LRIT1: variants seen among roughly 807,000 people sequenced by gnomAD.
LRIT1 encodes the protein leucine rich repeat, Ig-like and transmembrane domains 1, also known as leucine-rich repeat, immunoglobulin-like domain and transmembrane domain-containing protein 1.
LRIT1 carries 23 observed loss-of-function variants against 24.0 expected under a neutral mutation model. The ratio of observed to expected loss-of-function variants is 0.96; its 90% CI spans 0.69 to 1.36. The LOEUF (loss-of-function observed/expected upper bound fraction) is 1.36. Among genes scored for constraint, LRIT1 ranks in the 40% most tolerant of loss-of-function variants. The probability of loss-of-function intolerance (pLI) is 0.00; values close to 1 mark genes in which losing one functional copy is unlikely to be tolerated. For missense variants in LRIT1, 846 were observed against 806.3 expected, an observed-to-expected ratio of 1.05 and a Z score of -0.60; for synonymous variants, 361 against 340.5, an observed-to-expected ratio of 1.06 and a Z score of -0.66.
intron 2 of LRIT1, among the ~76,000 whole-genome samples, chr10:84,234,702 G>A (rs1337702433): frequency 6.6e-6 from 1 of 152,202 alleles, no homozygotes; most frequent in Non-Finnish European, 1.5e-5. Context: ...CCACTGGCCA[G>A]GCAGTATTTC....
At chr10:84,239,400 G>T (rs1027135218) in intron 1 of LRIT1, among the ~76,000 whole-genome samples, 2 of 152,166 alleles carry the variant, frequency 1.3e-5, no homozygotes, top group Non-Finnish European at 2.9e-5. Context: ...AGCTATGATT[G>T]TGCCACTGCA....
At chr10:84,240,986 A>G (rs1443170898) in intron 1 of LRIT1, among the ~76,000 whole-genome samples, 2 of 152,138 alleles carry the variant, frequency 1.3e-5, no homozygotes, top group Non-Finnish European at 2.9e-5. Context: ...AAAGAGAAGA[A>G]AAAGCAGTAA....
intron 2 of LRIT1, among the ~76,000 whole-genome samples, chr10:84,234,644 G>T (rs1842633688): frequency 6.6e-6 from 1 of 152,198 alleles, no homozygotes. Flanking sequence ...ACAGCATACT[G>T]ACAAAACCGG....
chr10:84,235,321 C>T (rs1428278508), intron 2 of LRIT1, among the ~76,000 whole-genome samples: 4 of 152,138 alleles, frequency 2.6e-5, no homozygotes, highest in Non-Finnish European at 4.4e-5. Context: ...CCCACCTCCC[C>T]CTCACCCCAT....
rs1842597569 is a variant in LRIT1 at position 84,231,737 on chromosome 10, T to C, written c.*190A>G. The C allele has an allele frequency of 3.3e-6, 2 of 602,298 alleles. No individual in the cohort carries two copies. Among genetic ancestry groups the C allele is most frequent in the Admixed American group, 3.1e-5 (1 of 32,578 alleles). 37.3% of individuals were successfully genotyped at this position (602,298 alleles called of 1,614,324 possible). The stretch of plus-strand genomic sequence containing the variant: ...CAAGAATTTAGCACTTAGAACACTT[T>C]CTAGTCTGTAGTAAGTGCTTAACAA... On this transcript the variant is annotated 3_prime_UTR_variant, in exon 4 of 4. Coordinates refer to ENST00000372105, the MANE Select transcript of LRIT1 (RefSeq NM_015613.3).
intron 3 of LRIT1, among the ~76,000 whole-genome samples, chr10:84,233,107 G>A (rs533679178): frequency 1.3e-5 from 2 of 152,190 alleles, no homozygotes; most frequent in Non-Finnish European, 2.9e-5. Context: ...GGAGCCCCAG[G>A]CTGAGGCAGA....
Position 84,241,317 on chromosome 10 carries a change from C to A in LRIT1, c.122+1G>T. 2 of 1,613,890 alleles carry A rather than the reference C, an allele frequency of 1.2e-6. No individual in the cohort carries two copies. Among genetic ancestry groups the A allele is most frequent in the Admixed American group, 1.7e-5 (1 of 60,012 alleles). On this transcript the variant is annotated splice_donor_variant, in intron 1 of 3. Coordinates refer to ENST00000372105, the MANE Select transcript of LRIT1 (RefSeq NM_015613.3). LOFTEE classifies it high-confidence loss of function. ...CCCGTCCCACGCACCCGGTACCATACCTGGCCTTGCTGCCATCACCCATGA... is the reference window on the plus strand; with the variant it reads ...CCCGTCCCACGCACCCGGTACCATAACTGGCCTTGCTGCCATCACCCATGA...
chr10:84,231,850 G>T lies in LRIT1; in HGVS notation c.*77C>A. On this transcript the variant is annotated 3_prime_UTR_variant, in exon 4 of 4. Coordinates refer to ENST00000372105, the MANE Select transcript of LRIT1 (RefSeq NM_015613.3). ...GCAGGTACCCGAGCAGGTAAGAGTG[G>T]GTGATCGTGTACTCAGGTGTCAGAG... is the stretch of plus-strand genomic sequence containing the variant. 1 of 1,493,224 alleles carries T rather than the reference G, an allele frequency of 6.7e-7. No individual in the cohort carries two copies. The allele number at this position is 1,493,224 out of a possible 1,614,324, so 92.5% of individuals were successfully genotyped here.
At chr10:84,233,341 T>C (rs1842619272) in intron 3 of LRIT1, among the ~76,000 whole-genome samples, 1 of 141,688 alleles carries the variant, frequency 7.1e-6, no homozygotes, top group South Asian at 2.4e-4. Flanking sequence ...GGAATATATA[T>C]ATATATTTTT....
Position 84,234,188 on chromosome 10 carries a change from C to T in LRIT1, c.780G>A (p.Val260=). The T allele has an allele frequency of 6.2e-7, 1 of 1,613,988 alleles. No individual in the cohort carries two copies. The highest frequency in any genetic ancestry group is 8.5e-7 in the Non-Finnish European group (1 of 1,179,974). The part of the protein sequence containing the change: ...KCQGPELHPG[V]ASIRSLLGGT... ...CACCCAAAAGGGACCTGATGCTGGC[C>T]ACTCCTGGATGGAGCTCTGGGCCCT... is the stretch of plus-strand genomic sequence containing the variant. Residue 260 remains valine (V), a synonymous_variant, in exon 3 of 4, where the codon GTG becomes GTA. Transcript: ENST00000372105.
rs1422674765 is a variant in LRIT1 at position 84,231,749 on chromosome 10, T to A, written c.*178A>T. ...ACTTAGAACACTTTCTAGTCTGTAGTAAGTGCTTAACAAGTGTTAGCGGTT... is the reference window on the plus strand; with the variant it reads ...ACTTAGAACACTTTCTAGTCTGTAGAAAGTGCTTAACAAGTGTTAGCGGTT... On this transcript the variant is annotated 3_prime_UTR_variant, in exon 4 of 4. Transcript: ENST00000372105. 6 of 633,286 alleles carry A rather than the reference T, an allele frequency of 9.5e-6. No individual in the cohort carries two copies. In the East Asian group the frequency reaches 1.7e-4, roughly 17 times the overall value. 39.2% of individuals were successfully genotyped at this position (633,286 alleles called of 1,614,324 possible).
In LRIT1 at chr10:84,231,813, G is replaced by A. The variant is rs1842598653; in HGVS notation, c.*114C>T. The A allele has an allele frequency of 8.6e-7, 1 of 1,162,576 alleles. No homozygotes were observed. The highest frequency in any genetic ancestry group is 1.6e-5 in the South Asian group (1 of 64,088). 72.0% of individuals were successfully genotyped at this position (1,162,576 alleles called of 1,614,324 possible). On this transcript the variant is annotated 3_prime_UTR_variant, in exon 4 of 4. Coordinates refer to ENST00000372105, the MANE Select transcript of LRIT1 (RefSeq NM_015613.3). ...CTGCTGCTGCTGTTGTTGTGTGTAAGTATCTGAGTAAGCAGGTACCCGAGC... is the reference window on the plus strand; with the variant it reads ...CTGCTGCTGCTGTTGTTGTGTGTAAATATCTGAGTAAGCAGGTACCCGAGC...
In LRIT1 at chr10:84,231,895, A is replaced by G. The variant is rs2132859931; in HGVS notation, c.*32T>C. 6.4e-7 allele frequency: 1 copy of G among 1,572,692 alleles called. No homozygotes were observed. The highest frequency in any genetic ancestry group is 8.6e-7 in the Non-Finnish European group (1 of 1,159,038). On this transcript the variant is annotated 3_prime_UTR_variant, in exon 4 of 4. Transcript: ENST00000372105. ...TCAGAGCTAAAGAAGGAGCGTGGGC[A>G]GGCAGGTGTGTGAGTTGCGGAGGCA...
At position 84,234,063 on chromosome 10, in the gene LRIT1, G is replaced by A; in HGVS notation, c.895+10C>T. 1 of 1,489,366 alleles carries A rather than the reference G, an allele frequency of 6.7e-7. No homozygotes were observed. Among genetic ancestry groups the A allele is most frequent in the Non-Finnish European group, 8.9e-7 (1 of 1,121,068 alleles). The allele number at this position is 1,489,366 out of a possible 1,614,324, so 92.3% of individuals were successfully genotyped here. On this transcript the variant is annotated intron_variant, in intron 3 of 3. Transcript: ENST00000372105. The stretch of plus-strand genomic sequence containing the variant: ...AGGTTCTCAGTGCAGCATCCCTGTA[G>A]CTCACATACCTGTACCATTAAGGGG...
chr10:84,237,387 T>C lies in LRIT1; in HGVS notation c.422A>G (p.Asn141Ser), dbSNP rs1477908558. The C allele has an allele frequency of 4.5e-6, 7 of 1,548,410 alleles. No individual in the cohort carries two copies. Among genetic ancestry groups the C allele is most frequent in the African/African-American group, 1.4e-5 (1 of 72,992 alleles). ...CTCAGCGGGCACAGCCGAGAGGCGG[T>C]TGGCCTGCAGGTCCAGCAGCCGCAG... ...PKLRLLDLQA[N>S]RLSAVPAEAA... is the part of the protein sequence containing the mutation. Residue 141 changes from asparagine to serine, a missense_variant, in exon 2 of 4, where the codon AAC (asparagine) becomes AGC (serine). By Grantham distance (46) the Asn-to-Ser change is conservative (BLOSUM62 1). Transcript: ENST00000372105.
Position 84,241,474 on chromosome 10 carries a change from T to G in LRIT1, c.-35A>C, listed in dbSNP as rs1306383960. ...CTCCTCTCTGGCCCAGGCAGGGGCC[T>G]GTCCCTGGACCGCTCCGTCCCACCG... On this transcript the variant is annotated 5_prime_UTR_variant, in exon 1 of 4. Coordinates refer to ENST00000372105, the MANE Select transcript of LRIT1 (RefSeq NM_015613.3). 6.7e-7 allele frequency: 1 copy of G among 1,498,670 alleles called. No individual in the cohort carries two copies. The highest frequency in any genetic ancestry group is 2.3e-5 in the Admixed American group (1 of 43,356). 92.8% of individuals were successfully genotyped at this position (1,498,670 alleles called of 1,614,324 possible).
intron 1 of LRIT1, among the ~76,000 whole-genome samples, chr10:84,238,795 C>T (rs373682874): frequency 1.3e-5 from 2 of 152,200 alleles, no homozygotes; most frequent in East Asian, 3.8e-4. Context: ...TCTACCCAAA[C>T]CACGACTTCT....
Position 84,232,716 on chromosome 10 carries a change from T to C in LRIT1, c.1083A>G (p.Leu361=). Residue 361 remains leucine, a synonymous_variant, in exon 4 of 4, where the codon CTA becomes CTG. Transcript: ENST00000372105. ...CCCCTCCGCCACCTGTCCTTGCCCATAGTGCTCCTGGGCTCCCACTGTGTT... is the reference window on the plus strand; with the variant it reads ...CCCCTCCGCCACCTGTCCTTGCCCACAGTGCTCCTGGGCTCCCACTGTGTT... The part of the protein sequence containing the change: ...STEHSGSPGA[L]WARTGGGGEA... 3 of 1,614,018 alleles carry C rather than the reference T, an allele frequency of 1.9e-6. No individual in the cohort carries two copies. Among genetic ancestry groups the C allele is most frequent in the South Asian group, 2.2e-5 (2 of 91,046 alleles).
chr10:84,236,015 G>A (rs182884343), intron 2 of LRIT1, among the ~76,000 whole-genome samples: 35 of 151,742 alleles, frequency 2.3e-4, no homozygotes, highest in Non-Finnish European at 4.6e-4. Context: ...ACGTATTGCC[G>A]GCCGGGTGCG....
Sources: gnomAD v4.1 joint callset for allele counts (sites outside exome capture counted in the v4.1 genomes callset) on GRCh38, gnomAD v4.1.1 for gene constraint, MANE v1.5 for transcripts, NCBI Gene and HGNC (gene_info 2026-07-23, HGNC 2026-07-21) for gene names.